Variants in SPNS3 observed in about 807,000 individuals in gnomAD.
The protein encoded by SPNS3 is protein spinster homolog 3.
A neutral mutation model predicts 54.4 loss-of-function variants in SPNS3; 51 were observed. That is an observed-to-expected ratio of 0.94 (90% CI 0.75 to 1.18). The LOEUF is 1.18. Among genes scored for constraint, SPNS3 ranks in the 50% most tolerant of loss-of-function variants. The pLI is 0.00. For missense variants in SPNS3, 669 were observed against 677.4 expected (o/e 0.99, Z 0.14); for synonymous variants, 309 against 294.7 (o/e 1.05, Z -0.50).
At chr17:4,446,504 A>G in intron 4 of SPNS3, 2 of 486,450 alleles carry the variant, frequency 4.1e-6, no homozygotes, top group South Asian at 2.9e-5. Flanking sequence ...AGGTAAGGTG[A>G]GGAAGCGTGT....
At chr17:4,457,951 T>C (rs1032701894) in intron 8 of SPNS3, among the ~76,000 whole-genome samples, 1 of 152,122 alleles carries the variant, frequency 6.6e-6, no homozygotes, top group African/African-American at 2.4e-5. Flanking sequence ...TCTGGCATGG[T>C]ACCCACCGAT....
chr17:4,453,522 G>A (rs961041779), intron 8 of SPNS3, among the ~76,000 whole-genome samples: 4 of 152,156 alleles, frequency 2.6e-5, no homozygotes. Context: ...GGAGGCTGAG[G>A]CAGGAGAATC....
At chr17:4,434,256 C>A in intron 1 of SPNS3, 90 bp downstream of exon 1, 2 of 1,284,484 alleles carry the variant, frequency 1.6e-6, no homozygotes, top group Non-Finnish European at 1.1e-6. Context: ...CAGCCATCAC[C>A]CATCTTTCTG....
At chr17:4,462,143 AT>A (rs2144118209) in intron 8 of SPNS3, among the ~76,000 whole-genome samples, 2 of 552 alleles carry the variant, frequency 3.6e-3, no homozygotes, top group African/African-American at 4.0e-3. Flanking sequence ...CCATCCATCC[AT>A]CCATCCATCC....
chr17:4,481,165 T>C (rs1293940592), intron 9 of SPNS3, among the ~76,000 whole-genome samples: 1 of 151,644 alleles, frequency 6.6e-6, no homozygotes, highest in Non-Finnish European at 1.5e-5. Flanking sequence ...AAGCTGGCAT[T>C]GCTTTTCAAG....
chr17:4,472,666 G>A (rs1245800827), intron 8 of SPNS3, among the ~76,000 whole-genome samples: 1 of 149,314 alleles, frequency 6.7e-6, no homozygotes, highest in Non-Finnish European at 1.5e-5. Flanking sequence ...CTACTACTCA[G>A]TTAATTTCTC....
chr17:4,487,167 CAAA>C (rs35822922), intron 11 of SPNS3, among the ~76,000 whole-genome samples: 71 of 70,508 alleles, frequency 1.0e-3, no homozygotes, highest in African/African-American at 3.5e-3. Context: ...AAGACTGTCT[CAAA>C]AAAAAAAAAA....
chr17:4,452,833 G>T (rs1297389363), intron 7 of SPNS3, among the ~76,000 whole-genome samples, 183 bp from the exon 8 acceptor site: 4 of 152,040 alleles, frequency 2.6e-5, no homozygotes, highest in Non-Finnish European at 5.9e-5. Context: ...ATTGGTCCCT[G>T]GGAGTATCAG....
At chr17:4,435,809 G>A (rs955739935) in intron 1 of SPNS3, among the ~76,000 whole-genome samples, 3 of 152,200 alleles carry the variant, frequency 2.0e-5, no homozygotes, top group East Asian at 1.9e-4. Flanking sequence ...GCTCACGCCT[G>A]TAATCCCAGC....
chr17:4,487,661 G>A lies in SPNS3; in HGVS notation c.1451-145G>A, dbSNP rs544338980. On this transcript the variant is annotated intron_variant, in intron 11 of 11. Transcript: ENST00000355530. Reference sequence around the variant, plus strand: ...GTGCCTAGACCACGCCAGTGGCATTGAAGGTGATGACAAGGGGTTGGATCT... The same window carrying A: ...GTGCCTAGACCACGCCAGTGGCATTAAAGGTGATGACAAGGGGTTGGATCT... The A allele has an allele frequency of 1.3e-4, 96 of 756,368 alleles. No individual in the cohort carries two copies. In the African/African-American group the frequency reaches 1.6e-3, roughly 12 times the overall value. The allele number at this position is 756,368 out of a possible 1,614,324, so 46.9% of individuals were successfully genotyped here.
intron 1 of SPNS3, among the ~76,000 whole-genome samples, chr17:4,435,120 A>T (rs1970680434): frequency 1.3e-5 from 2 of 152,014 alleles, no homozygotes; most frequent in Admixed American, 1.3e-4. Context: ...GTCTCTATTT[A>T]AAAAATTAAA....
intron 8 of SPNS3, among the ~76,000 whole-genome samples, chr17:4,469,066 G>T (rs1597333118): frequency 1.3e-5 from 2 of 151,766 alleles, no homozygotes; most frequent in African/African-American, 4.8e-5. Flanking sequence ...GGGATTACAG[G>T]TGTGAGCCAC....
Position 4,435,448 on chromosome 17 carries a change from A to T in SPNS3, c.199+1282A>T, listed in dbSNP as rs537799833. Among the ~76,000 whole-genome samples, 121 of 147,256 alleles carry T rather than the reference A, an allele frequency of 8.2e-4. 5 individuals are homozygous for T. In the South Asian group the frequency reaches 0.012, roughly 15 times the overall value. ...AGAGCAAGGCTCTGTCTCAAAAAAA[A>T]AAAAATAAAAAATAAAAAATAAATA... On this transcript the variant is annotated intron_variant, in intron 1 of 11. Transcript: ENST00000355530.
intron 6 of SPNS3, among the ~76,000 whole-genome samples, 171 bp downstream of exon 6, chr17:4,448,474 T>C (rs1046072030): frequency 1.2e-4 from 19 of 152,238 alleles, no homozygotes; most frequent in Non-Finnish European, 2.4e-4. Flanking sequence ...CTCCCTCCCT[T>C]AGGGCTCAGC....
At chr17:4,456,826 T>C (rs1683356292) in intron 8 of SPNS3, among the ~76,000 whole-genome samples, 1 of 152,134 alleles carries the variant, frequency 6.6e-6, no homozygotes, top group African/African-American at 2.4e-5. Context: ...GTGATTCTCC[T>C]GTCTCAGCCT....
intron 5 of SPNS3, 106 bp from the exon 6 acceptor site, chr17:4,448,049 A>T: frequency 8.6e-7 from 1 of 1,161,708 alleles, no homozygotes; most frequent in Non-Finnish European, 1.1e-6. Context: ...CAGGGCTTGG[A>T]AACCAGAGGT....
At chr17:4,481,398 C>G (rs1972147332) in intron 9 of SPNS3, among the ~76,000 whole-genome samples, 1 of 152,076 alleles carries the variant, frequency 6.6e-6, no homozygotes. Flanking sequence ...AGATCGGCTT[C>G]TCTTTCAGCA....
intron 5 of SPNS3, among the ~76,000 whole-genome samples, chr17:4,447,445 G>C (rs975741165): frequency 6.6e-6 from 1 of 152,246 alleles, no homozygotes; most frequent in Admixed American, 6.5e-5. Flanking sequence ...TGGGCATGGA[G>C]AGGGACCATT....
At chr17:4,476,165 A>G (rs1971993401) in intron 8 of SPNS3, among the ~76,000 whole-genome samples, 1 of 152,192 alleles carries the variant, frequency 6.6e-6, no homozygotes, top group Non-Finnish European at 1.5e-5. Flanking sequence ...CTGTAATTAC[A>G]GGATTAGAAG....
Sources: gnomAD v4.1 joint callset for allele counts (sites outside exome capture counted in the v4.1 genomes callset) on GRCh38, gnomAD v4.1.1 for gene constraint, MANE v1.5 for transcripts, NCBI Gene and HGNC (gene_info 2026-07-23, HGNC 2026-07-21) for gene names.